CPED1: variants seen among roughly 807,000 people sequenced by gnomAD.
CPED1 encodes cadherin like and PC-esterase domain containing 1.
CPED1 carries 114 observed loss-of-function variants against 128.2 expected under a neutral mutation model. That is an observed-to-expected ratio of 0.89 (90% CI 0.76 to 1.04). CPED1 has a LOEUF of 1.04. Ranked by LOEUF, CPED1 falls within the 50% of genes least tolerant of loss-of-function variation. The pLI is 0.00. For missense variants in CPED1, 1,211 were observed against 1,207.1 expected, an observed-to-expected ratio of 1.00 and a Z score of -0.05; for synonymous variants, 462 against 426.7, an observed-to-expected ratio of 1.08 and a Z score of -1.02.
intron 5 of CPED1, among the ~76,000 whole-genome samples, chr7:121,078,920 T>C (rs1298729730): frequency 6.6e-6 from 1 of 152,200 alleles, no homozygotes; most frequent in Non-Finnish European, 1.5e-5. Flanking sequence ...AGATAAGGTG[T>C]CAGCAGAGCT....
chr7:121,067,060 C>A (rs1488194755), intron 5 of CPED1, among the ~76,000 whole-genome samples: 1 of 151,774 alleles, frequency 6.6e-6, no homozygotes, highest in African/African-American at 2.4e-5. Flanking sequence ...GGCTGGGGGG[C>A]ACAGGGGGTG....
At chr7:121,097,592 C>A in intron 5 of CPED1, 107 bp from the exon 6 acceptor site, 1 of 1,233,572 alleles carries the variant, frequency 8.1e-7, no homozygotes, top group Non-Finnish European at 1.1e-6. Flanking sequence ...AAAATGGTTG[C>A]ATATTTCTCA....
chr7:121,036,507 A>ATATATTT (rs1449540146), intron 3 of CPED1, among the ~76,000 whole-genome samples: 8 of 133,920 alleles, frequency 6.0e-5, no homozygotes, highest in African/African-American at 2.4e-4. Context: ...ATATATATAT[A>ATATATTT]TTTTTTTTTT....
At chr7:121,029,581 G>T (rs987753952) in intron 3 of CPED1, among the ~76,000 whole-genome samples, 1 of 152,046 alleles carries the variant, frequency 6.6e-6, no homozygotes, top group Non-Finnish European at 1.5e-5. Context: ...AATAATGAGG[G>T]TTTACATTTT....
At chr7:121,141,911 A>C (rs1287530053) in intron 15 of CPED1, 62 bp from the exon 16 acceptor site, 1 of 1,324,150 alleles carries the variant, frequency 7.6e-7, no homozygotes, top group Non-Finnish European at 1.1e-6. Context: ...TATATGAATC[A>C]GTTTGGGCTG....
intron 4 of CPED1, among the ~76,000 whole-genome samples, chr7:121,047,715 C>CTTCTTCTTCTTCTTCTTCT (rs1563005068): frequency 2.6e-5 from 2 of 76,062 alleles, no homozygotes; most frequent in South Asian, 3.5e-4. Context: ...TCTTCTTCTT[C>CTTCTTCTTCTTCTTCTTCT]TTTTTTTTTT....
intron 16 of CPED1, among the ~76,000 whole-genome samples, chr7:121,172,936 TACTGA>T (rs908613071): frequency 2.0e-5 from 3 of 152,286 alleles, no homozygotes; most frequent in African/African-American, 7.2e-5. Context: ...TCAAAGTTTA[TACTGA>T]ATGAAAGATT....
intron 16 of CPED1, among the ~76,000 whole-genome samples, chr7:121,171,365 G>A (rs1454139344): frequency 6.6e-6 from 1 of 152,132 alleles, no homozygotes; most frequent in Non-Finnish European, 1.5e-5. Flanking sequence ...AATGTCTAGA[G>A]TTAGAGGAAT....
intron 16 of CPED1, among the ~76,000 whole-genome samples, chr7:121,198,461 G>T (rs560194717): frequency 6.6e-6 from 1 of 152,230 alleles, no homozygotes; most frequent in South Asian, 2.1e-4. Flanking sequence ...GCAAGTGTGA[G>T]TGGAGCAAGC....
intron 4 of CPED1, among the ~76,000 whole-genome samples, chr7:121,047,677 T>C (rs1426851266): frequency 0.033 from 364 of 11,038 alleles, 2 homozygotes; most frequent in African/African-American, 0.072. Flanking sequence ...CTTCTTCTTC[T>C]TCTTCTTCTT....
At chr7:121,097,937 A>C in intron 6 of CPED1, 106 bp downstream of exon 6, 1 of 1,104,850 alleles carries the variant, frequency 9.1e-7, no homozygotes, top group Middle Eastern at 2.2e-4. Context: ...GTGAATTATT[A>C]GTTTCTCTTA....
chr7:121,261,218 C>A (rs1792009316), intron 18 of CPED1, among the ~76,000 whole-genome samples: 1 of 152,000 alleles, frequency 6.6e-6, no homozygotes, highest in African/African-American at 2.4e-5. Context: ...ATTAAAAGTT[C>A]CCAAAGTCTT....
At position 120,988,746 on chromosome 7, in the gene CPED1, CGT is replaced by C. The variant is rs1796261859; in HGVS notation, c.-393_-392del. On this transcript the variant is annotated 5_prime_UTR_variant, in exon 1 of 23. Coordinates refer to ENST00000310396, the MANE Select transcript of CPED1 (RefSeq NM_024913.5). ...GCCGGGCGTGCAGCGGGCGCGCGCG[CGT>C]GTGTTTATGTGTCTGTGTGCGTGTG... 1 of 152,230 alleles carries C rather than the reference CGT, an allele frequency of 6.6e-6. No homozygotes were observed. Among genetic ancestry groups the C allele is most frequent in the Non-Finnish European group, 1.5e-5 (1 of 68,158 alleles). 9.4% of individuals were successfully genotyped at this position (152,230 alleles called of 1,614,324 possible). A position where few individuals can be genotyped will look rare whatever the true frequency, so the allele number is the denominator to read the frequency against.
chr7:121,072,219 A>G (rs1227914275), intron 5 of CPED1, among the ~76,000 whole-genome samples: 1 of 150,462 alleles, frequency 6.6e-6, no homozygotes, highest in African/African-American at 2.4e-5. Flanking sequence ...TAAATTGCAC[A>G]GTGTGCTGTT....
rs1585001900 is a variant in CPED1, at chr7:120,989,515, G to T, written c.-107G>T. Reference sequence around the variant, plus strand: ...AAGCAGGGATGAAGCAAACTTGATTGGAGTTGGGGAAAAAGAAGACAGATT... The same window carrying T: ...AAGCAGGGATGAAGCAAACTTGATTTGAGTTGGGGAAAAAGAAGACAGATT... On this transcript the variant is annotated 5_prime_UTR_variant, in exon 2 of 23. Transcript: ENST00000310396. 2 of 1,416,236 alleles carry T rather than the reference G, an allele frequency of 1.4e-6. No homozygotes were observed. Among genetic ancestry groups the T allele is most frequent in the African/African-American group, 1.4e-5 (1 of 69,836 alleles). 87.7% of individuals were successfully genotyped at this position (1,416,236 alleles called of 1,614,324 possible).
intron 4 of CPED1, among the ~76,000 whole-genome samples, chr7:121,057,854 G>C (rs146917050): frequency 6.6e-6 from 1 of 152,114 alleles, no homozygotes; most frequent in Non-Finnish European, 1.5e-5. Flanking sequence ...GAAAATAGTC[G>C]CTAAGTAATA....
chr7:121,111,240 A>G (rs1795099292), intron 7 of CPED1, among the ~76,000 whole-genome samples: 1 of 152,150 alleles, frequency 6.6e-6, no homozygotes, highest in African/African-American at 2.4e-5. Flanking sequence ...TTTCTCCTGG[A>G]CAATTTGGTG....
At chr7:120,991,708 T>C (rs1483418146) in intron 2 of CPED1, among the ~76,000 whole-genome samples, 1 of 152,202 alleles carries the variant, frequency 6.6e-6, no homozygotes, top group East Asian at 1.9e-4. Context: ...ATAAACCATC[T>C]GAAACTTACT....
chr7:121,061,687 A>G (rs747128018), intron 4 of CPED1, among the ~76,000 whole-genome samples: 7 of 152,244 alleles, frequency 4.6e-5, no homozygotes, highest in Non-Finnish European at 8.8e-5. Context: ...TATAAAAGTC[A>G]GTGAATCCAA....
Sources: allele counts gnomAD v4.1 joint callset (sites outside exome capture counted in the v4.1 genomes callset), GRCh38; gene constraint gnomAD v4.1.1; transcripts MANE v1.5; gene names NCBI Gene and HGNC (gene_info 2026-07-23, HGNC 2026-07-21).